CACHD1: variants seen among roughly 807,000 people sequenced by gnomAD.
The protein encoded by CACHD1 is VWFA and cache domain-containing protein 1.
A neutral mutation model predicts 138.7 loss-of-function variants in CACHD1; 71 were observed. The observed-to-expected ratio is 0.51, with a 90% CI of 0.42 to 0.62. The LOEUF (loss-of-function observed/expected upper bound fraction) is 0.62. Ranked by LOEUF, CACHD1 falls within the 20% of genes least tolerant of loss-of-function variation. The pLI is 0.00. For missense variants in CACHD1, 1,389 were observed against 1,625.3 expected (o/e 0.85, Z 2.50); for synonymous variants, 578 against 591.5 (o/e 0.98, Z 0.33).
intron 1 of CACHD1, among the ~76,000 whole-genome samples, 158 bp downstream of exon 1, chr1:64,471,100 C>T (rs1020690390): frequency 2.0e-5 from 3 of 152,196 alleles, no homozygotes; most frequent in African/African-American, 7.2e-5. Context: ...CACAGACCCC[C>T]TGACAATACA....
intron 3 of CACHD1, among the ~76,000 whole-genome samples, chr1:64,597,839 G>A (rs913797069): frequency 6.6e-6 from 1 of 152,126 alleles, no homozygotes; most frequent in African/African-American, 2.4e-5. Context: ...GTGACTGGCA[G>A]CTAATGTACT....
rs369267030 is a variant in CACHD1 at position 64,663,828 on chromosome 1, G to A, written c.2085G>A (p.Pro695=). 23 of 1,614,032 alleles carry A rather than the reference G, an allele frequency of 1.4e-5. No homozygotes were observed. Among genetic ancestry groups the A allele is most frequent in the East Asian group, 2.2e-5 (1 of 44,862 alleles). ...ACAACACCCGCCTCATTGCTAACCCGGGCCTCAAAGTAAGCATTGGCGCAG... is the reference window on the plus strand; with the variant it reads ...ACAACACCCGCCTCATTGCTAACCCAGGCCTCAAAGTAAGCATTGGCGCAG... ...LSDNTRLIAN[P]GLKFSVRNEV... The change falls in exon 14 of 27, where the codon CCG becomes CCA. Residue 695 remains proline (P), a synonymous_variant. Coordinates refer to ENST00000651257, the MANE Select transcript of CACHD1 (RefSeq NM_020925.4).
At chr1:64,584,269 C>T (rs1299286790) in intron 3 of CACHD1, among the ~76,000 whole-genome samples, 1 of 152,154 alleles carries the variant, frequency 6.6e-6, no homozygotes, top group African/African-American at 2.4e-5. Context: ...TACTGCTAAA[C>T]ATCCTATAAC....
At chr1:64,572,161 A>G (rs969700707) in intron 2 of CACHD1, among the ~76,000 whole-genome samples, 1 of 152,182 alleles carries the variant, frequency 6.6e-6, no homozygotes, top group African/African-American at 2.4e-5. Context: ...TATTCTACAC[A>G]AAAAGTTGTG....
At chr1:64,578,750 T>C (rs1262835510) in intron 2 of CACHD1, among the ~76,000 whole-genome samples, 2 of 152,228 alleles carry the variant, frequency 1.3e-5, no homozygotes, top group Non-Finnish European at 2.9e-5. Flanking sequence ...TCCATGTGTC[T>C]TGGACTTCTT....
At chr1:64,663,559 A>G (rs1357853594) in intron 13 of CACHD1, 136 bp from the exon 14 acceptor site, 6 of 1,180,612 alleles carry the variant, frequency 5.1e-6, no homozygotes, top group African/African-American at 3.1e-5. Context: ...TGAAAAAAAA[A>G]AAAAAAGAAA....
At chr1:64,542,258 G>C (rs768322480) in intron 1 of CACHD1, among the ~76,000 whole-genome samples, 4 of 152,158 alleles carry the variant, frequency 2.6e-5, no homozygotes, top group Non-Finnish European at 4.4e-5. Flanking sequence ...CCTGGGTCAT[G>C]TGTACCTGGG....
intron 4 of CACHD1, among the ~76,000 whole-genome samples, chr1:64,617,697 T>A (rs1647761461): frequency 6.6e-6 from 1 of 152,226 alleles, no homozygotes; most frequent in South Asian, 2.1e-4. Context: ...TGGTGGCAGA[T>A]CACTGAGCAA....
At chr1:64,557,635 A>G (rs1461879093) in intron 2 of CACHD1, among the ~76,000 whole-genome samples, 1 of 152,056 alleles carries the variant, frequency 6.6e-6, no homozygotes, top group Non-Finnish European at 1.5e-5. Context: ...CACCTATATT[A>G]AACAAACAAA....
At chr1:64,503,056 T>C (rs1183390129) in intron 1 of CACHD1, among the ~76,000 whole-genome samples, 1 of 152,202 alleles carries the variant, frequency 6.6e-6, no homozygotes, top group Non-Finnish European at 1.5e-5. Flanking sequence ...AGCCGAACTT[T>C]TTTTTGTGGT....
Position 64,636,029 on chromosome 1 carries a change from T to A in CACHD1, c.1006+1769T>A, listed in dbSNP as rs551144998. Among the ~76,000 whole-genome samples the A allele has an allele frequency of 6.6e-5, 10 of 151,870 alleles. No homozygotes were observed. The South Asian group carries it at 2.1e-3, about 32-fold the overall frequency. On this transcript the variant is annotated intron_variant, in intron 7 of 26. Coordinates refer to ENST00000651257, the MANE Select transcript of CACHD1 (RefSeq NM_020925.4). ...AGGAGGCTGAGGCAGGAGAATTGCT[T>A]GAACCCGGGAAGTGGAGGTTGCAGT...
intron 2 of CACHD1, among the ~76,000 whole-genome samples, chr1:64,569,416 G>A (rs1423438233): frequency 6.6e-6 from 1 of 152,136 alleles, no homozygotes; most frequent in Non-Finnish European, 1.5e-5. Flanking sequence ...TAGTGGTAGT[G>A]TTGTTTGAGC....
At chr1:64,603,489 T>C (rs892109503) in intron 4 of CACHD1, among the ~76,000 whole-genome samples, 3 of 152,192 alleles carry the variant, frequency 2.0e-5, no homozygotes, top group African/African-American at 4.8e-5. Context: ...TCATTTATCA[T>C]GAATTTTACA....
At chr1:64,538,636 A>G (rs769905093) in intron 1 of CACHD1, among the ~76,000 whole-genome samples, 7 of 152,176 alleles carry the variant, frequency 4.6e-5, no homozygotes, top group Non-Finnish European at 5.9e-5. Flanking sequence ...CTGCAATTTG[A>G]TATTATTAGT....
In CACHD1 at chr1:64,470,620, GC is replaced by G. The variant is rs1052061412; in HGVS notation, c.-124del. The G allele has an allele frequency of 3.4e-4, 124 of 362,714 alleles. No individual in the cohort carries two copies. The highest frequency in any genetic ancestry group is 2.6e-3 in the African/African-American group (121 of 47,190). 22.5% of individuals were successfully genotyped at this position (362,714 alleles called of 1,614,324 possible). Reference sequence around the variant, plus strand: ...GTTTGGGAGCCTTCGCCACCGCGGCGCGGAGCAGAGCCTGCAACAGAGGAAG... The same window carrying G: ...GTTTGGGAGCCTTCGCCACCGCGGCGGGAGCAGAGCCTGCAACAGAGGAAG... On this transcript the variant is annotated 5_prime_UTR_variant, in exon 1 of 27. Transcript: ENST00000651257. This position sits in a 1 kb window ranked among gnomAD's most constrained non-coding sequence, Gnocchi z 5.2.
At chr1:64,625,772 TA>T (rs1245923513) in intron 4 of CACHD1, among the ~76,000 whole-genome samples, 4 of 152,352 alleles carry the variant, frequency 2.6e-5, no homozygotes, top group Admixed American at 6.5e-5. Context: ...TCTATAAAAA[TA>T]AAAAAAAATT....
chr1:64,658,976 C>A, intron 13 of CACHD1, 103 bp downstream of exon 13: 1 of 982,740 alleles, frequency 1.0e-6, no homozygotes, highest in Non-Finnish European at 1.4e-6. Flanking sequence ...ATACTGAATG[C>A]CTGCAGAGTC....
At chr1:64,665,831 C>T (rs976159809) in intron 15 of CACHD1, among the ~76,000 whole-genome samples, 9 of 151,882 alleles carry the variant, frequency 5.9e-5, no homozygotes, top group Non-Finnish European at 2.9e-5. Context: ...GGTGAAACCC[C>T]GTCTCTACTA....
intron 3 of CACHD1, among the ~76,000 whole-genome samples, chr1:64,601,416 T>C (rs1023902573): frequency 1.3e-5 from 2 of 152,214 alleles, no homozygotes; most frequent in Non-Finnish European, 2.9e-5. Context: ...CTAGACAAAC[T>C]GGAGCAGGTC....
Sources: allele counts gnomAD v4.1 joint callset (sites outside exome capture counted in the v4.1 genomes callset), GRCh38; gene constraint gnomAD v4.1.1; non-coding constraint Gnocchi (gnomAD v3.1); transcripts MANE v1.5; gene names NCBI Gene and HGNC (gene_info 2026-07-23, HGNC 2026-07-21).